Variants in SLC39A11 observed in about 807,000 individuals in gnomAD.
SLC39A11 encodes solute carrier family 39 member 11.
SLC39A11 carries 33 observed loss-of-function variants against 36.1 expected under a neutral mutation model. The observed-to-expected ratio is 0.91, with a 90% CI of 0.69 to 1.22. SLC39A11 has a LOEUF of 1.22. SLC39A11 is among the 50% of genes most tolerant of loss of function. The probability of loss-of-function intolerance (pLI) is 0.00; values close to 1 mark genes in which losing one functional copy is unlikely to be tolerated. For missense variants in SLC39A11, 432 were observed against 430.3 expected, an observed-to-expected ratio of 1.00 and a Z score of -0.03; for synonymous variants, 166 against 170.3, an observed-to-expected ratio of 0.97 and a Z score of 0.20.
At chr17:72,848,470 A>G (rs2079149424) in intron 6 of SLC39A11, among the ~76,000 whole-genome samples, 1 of 152,224 alleles carries the variant, frequency 6.6e-6, no homozygotes, top group African/African-American at 2.4e-5. Flanking sequence ...CTGTAGTCCC[A>G]ACACTTTGAG....
intron 3 of SLC39A11, among the ~76,000 whole-genome samples, chr17:73,035,613 G>C (rs142822591): frequency 3.3e-5 from 5 of 151,998 alleles, no homozygotes; most frequent in African/African-American, 1.2e-4. Flanking sequence ...GTAACCACAG[G>C]GTCCTTACGA....
At chr17:72,764,658 A>C (rs2075704840) in intron 6 of SLC39A11, among the ~76,000 whole-genome samples, 2 of 152,024 alleles carry the variant, frequency 1.3e-5, no homozygotes, top group Non-Finnish European at 2.9e-5. Context: ...GCAGACTGAA[A>C]CTCAGACACA....
chr17:72,836,736 C>G (rs781316300), intron 6 of SLC39A11, among the ~76,000 whole-genome samples: 1 of 152,100 alleles, frequency 6.6e-6, no homozygotes, highest in African/African-American at 2.4e-5. Context: ...CTTTATACAG[C>G]GTCTGGAACC....
chr17:72,999,520 C>G (rs1302418678), intron 4 of SLC39A11, among the ~76,000 whole-genome samples: 1 of 152,206 alleles, frequency 6.6e-6, no homozygotes, highest in African/African-American at 2.4e-5. Context: ...CAGTTCTCAT[C>G]ACCAAGGGTT....
chr17:72,885,031 T>C (rs6501570), intron 5 of SLC39A11, among the ~76,000 whole-genome samples: 12,243 of 152,210 alleles, frequency 0.08, 1,668 homozygotes, highest in African/African-American at 0.28. Context: ...ACTTGAATGA[T>C]TTGTGTCTAT....
chr17:72,761,185 G>T (rs1026648787), intron 6 of SLC39A11, among the ~76,000 whole-genome samples: 1 of 152,090 alleles, frequency 6.6e-6, no homozygotes, highest in Non-Finnish European at 1.5e-5. Context: ...CATGATCTCG[G>T]TTCACTGCAA....
intron 5 of SLC39A11, among the ~76,000 whole-genome samples, chr17:72,900,212 A>AG (rs1555622556): frequency 1.9e-5 from 2 of 103,466 alleles, no homozygotes; most frequent in African/African-American, 8.1e-5. Context: ...AAAGAAAGAA[A>AG]GAAAGAAAGA....
chr17:72,933,808 C>A (rs766866350), intron 5 of SLC39A11, among the ~76,000 whole-genome samples: 3 of 152,198 alleles, frequency 2.0e-5, no homozygotes, highest in Non-Finnish European at 4.4e-5. Context: ...GCGTGAGCCA[C>A]CACGCCTGGT....
rs1264798498 is a variant in SLC39A11, at chr17:72,922,620, T to C, written c.430+25132A>G. ...CTTCCCTAAGGAGCTTTTAAGGAGC[T>C]CAATGAGTAGAACTACTGCCAGGAG... On this transcript the variant is annotated intron_variant, in intron 5 of 9. Coordinates refer to ENST00000255559, the MANE Select transcript of SLC39A11 (RefSeq NM_139177.4). 2.0e-5 allele frequency among the ~76,000 whole-genome samples: 3 copies of C among 152,184 alleles called. 1 individual carries two copies. In the South Asian group the frequency reaches 6.2e-4, roughly 32 times the overall value.
intron 7 of SLC39A11, among the ~76,000 whole-genome samples, chr17:72,716,430 T>A (rs1295656868): frequency 6.6e-6 from 1 of 151,974 alleles, no homozygotes; most frequent in East Asian, 1.9e-4. Context: ...GCCCCTTTCT[T>A]ACGACAGTTT....
chr17:72,649,441 G>A (rs1249024938), intron 7 of SLC39A11, among the ~76,000 whole-genome samples, 173 bp from the exon 8 acceptor site: 2 of 152,208 alleles, frequency 1.3e-5, no homozygotes, highest in Non-Finnish European at 2.9e-5. Flanking sequence ...GTAAAGAGCA[G>A]GGGCTGCAGG....
chr17:72,961,224 T>C (rs2086588378), intron 4 of SLC39A11, among the ~76,000 whole-genome samples: 2 of 152,132 alleles, frequency 1.3e-5, no homozygotes, highest in Non-Finnish European at 2.9e-5. Flanking sequence ...ATGGCGATCA[T>C]TAAAAGTCAG....
intron 7 of SLC39A11, among the ~76,000 whole-genome samples, chr17:72,680,541 A>G (rs2071469413): frequency 6.6e-6 from 1 of 152,216 alleles, no homozygotes. Context: ...GCTGCCATGT[A>G]AGACATGATT....
chr17:73,089,344 C>T lies in SLC39A11; in HGVS notation c.-11-569G>A, dbSNP rs566250822. The stretch of plus-strand genomic sequence containing the variant: ...AATCCCGTTCTCCATCATGCCTGCA[C>T]GAGCACCCAACTCCAGCTCAACTGA... On this transcript the variant is annotated intron_variant, in intron 1 of 9. Coordinates refer to ENST00000255559, the MANE Select transcript of SLC39A11 (RefSeq NM_139177.4). Among the ~76,000 whole-genome samples the T allele has an allele frequency of 3.3e-5, 5 of 152,322 alleles. No individual in the cohort carries two copies. In the South Asian group the frequency reaches 8.3e-4, roughly 25 times the overall value.
chr17:73,082,109 C>A (rs1205931895), intron 3 of SLC39A11, among the ~76,000 whole-genome samples: 5 of 72,228 alleles, frequency 6.9e-5, no homozygotes, highest in East Asian at 4.2e-4. Flanking sequence ...CCAAAACCTA[C>A]TGAAACTAAA....
At chr17:72,747,557 A>G (rs1274014894) in intron 6 of SLC39A11, among the ~76,000 whole-genome samples, 1 of 152,158 alleles carries the variant, frequency 6.6e-6, no homozygotes, top group East Asian at 1.9e-4. Context: ...GTCACGTAAC[A>G]CTGCAGCAGG....
At chr17:72,752,809 G>A (rs2075204561) in intron 6 of SLC39A11, among the ~76,000 whole-genome samples, 1 of 152,056 alleles carries the variant, frequency 6.6e-6, no homozygotes, top group Non-Finnish European at 1.5e-5. Flanking sequence ...TTTCTCTCTG[G>A]AAGCTCTCAA....
At chr17:72,697,672 ACT>A (rs1403660615) in intron 7 of SLC39A11, among the ~76,000 whole-genome samples, 1 of 152,090 alleles carries the variant, frequency 6.6e-6, no homozygotes, top group African/African-American at 2.4e-5. Flanking sequence ...TCTGAGAAAC[ACT>A]GAGTCATATC....
At chr17:72,775,373 G>A (rs1260307104) in intron 6 of SLC39A11, among the ~76,000 whole-genome samples, 1 of 152,146 alleles carries the variant, frequency 6.6e-6, no homozygotes, top group African/African-American at 2.4e-5. Context: ...AACACAATAG[G>A]GACAGGGATG....
Sources: allele counts gnomAD v4.1 joint callset (sites outside exome capture counted in the v4.1 genomes callset), GRCh38; gene constraint gnomAD v4.1.1; transcripts MANE v1.5; gene names NCBI Gene and HGNC (gene_info 2026-07-23, HGNC 2026-07-21).